ATAD2: variants seen among roughly 807,000 people sequenced by gnomAD.
ATAD2 encodes the protein ATPase family AAA domain-containing protein 2.
A neutral mutation model predicts 168.9 loss-of-function variants in ATAD2; 62 were observed. That is an observed-to-expected ratio of 0.37 (90% confidence interval 0.30 to 0.45). ATAD2 has a LOEUF of 0.45. ATAD2 is among the 20% of genes least tolerant of loss of function. ATAD2 has a pLI of 1.00. For missense variants in ATAD2, 1,419 were observed against 1,667.8 expected (o/e 0.85, Z 2.60); for synonymous variants, 613 against 571.6 (o/e 1.07, Z -1.03).
intron 1 of ATAD2, among the ~76,000 whole-genome samples, chr8:123,391,539 A>T (rs1829826943): frequency 6.6e-6 from 1 of 150,572 alleles, no homozygotes; most frequent in Admixed American, 6.6e-5. Context: ...ACTAGGAAAA[A>T]TTCAAGTTAA....
intron 2 of ATAD2, among the ~76,000 whole-genome samples, chr8:123,376,599 T>G (rs1829324326): frequency 6.6e-6 from 1 of 152,142 alleles, no homozygotes; most frequent in Non-Finnish European, 1.5e-5. Flanking sequence ...CATGGAATTG[T>G]ACACTTTAGA....
In ATAD2 at chr8:123,369,146, A is replaced by T; in HGVS notation, c.961T>A (p.Phe321Ile). 6.3e-7 allele frequency: 1 copy of T among 1,577,672 alleles called. No homozygotes were observed. Among genetic ancestry groups the T allele is most frequent in the Non-Finnish European group, 8.6e-7 (1 of 1,157,424 alleles). Reference sequence around the variant, plus strand: ...GCAGGAGAAGCTGGGCCACTATAAAATATGTTGGGCTTTCTCTGGTGACGA... The same window carrying T: ...GCAGGAGAAGCTGGGCCACTATAAATTATGTTGGGCTTTCTCTGGTGACGA... ...KPRHQRKPNIFYSGPASPARP... is the reference protein window; with the variant it reads ...KPRHQRKPNIIYSGPASPARP... The change falls in exon 8 of 28, where the codon TTT becomes ATT. Residue 321 changes from phenylalanine (F) to isoleucine (I), a missense_variant. Phe to Ile is a conservative substitution (Grantham distance 21, BLOSUM62 0). Coordinates refer to ENST00000287394, the MANE Select transcript of ATAD2 (RefSeq NM_014109.4).
chr8:123,350,334 A>G (rs2131337918), intron 13 of ATAD2, among the ~76,000 whole-genome samples: 1 of 152,326 alleles, frequency 6.6e-6, no homozygotes. Context: ...TATTTCATGT[A>G]AGTACTTCAT....
At chr8:123,322,292 A>C (rs1827490204) in intron 27 of ATAD2, among the ~76,000 whole-genome samples, 1 of 152,234 alleles carries the variant, frequency 6.6e-6, no homozygotes, top group Admixed American at 6.5e-5. Context: ...CTGGCTGACA[A>C]GTCTTAAAAG....
chr8:123,385,576 G>A (rs1028614944), intron 1 of ATAD2, among the ~76,000 whole-genome samples: 1 of 152,190 alleles, frequency 6.6e-6, no homozygotes, highest in Middle Eastern at 3.4e-3. Context: ...ACTCTTAGGA[G>A]AAAACAGCAT....
chr8:123,377,091 C>CAAAAAAAAAAAA (rs58655606), intron 2 of ATAD2, among the ~76,000 whole-genome samples: 3,186 of 27,234 alleles, frequency 0.12, 1,035 homozygotes, highest in South Asian at 0.2. Flanking sequence ...GACTCCGTCT[C>CAAAAAAAAAAAA]AAAAAAAAAA....
intron 20 of ATAD2, 141 bp from the exon 21 acceptor site, chr8:123,337,962 A>G: frequency 1.2e-6 from 1 of 802,622 alleles, no homozygotes; most frequent in Non-Finnish European, 1.9e-6. Context: ...ATACAAAAGT[A>G]TTACCATAAT....
intron 1 of ATAD2, among the ~76,000 whole-genome samples, chr8:123,404,175 T>G (rs1464820668): frequency 6.6e-6 from 1 of 152,194 alleles, no homozygotes; most frequent in African/African-American, 2.4e-5. Context: ...ATATGCCCGT[T>G]TCCTAGCCAT....
At chr8:123,325,160 G>A (rs758195340) in intron 26 of ATAD2, among the ~76,000 whole-genome samples, 3 of 143,008 alleles carry the variant, frequency 2.1e-5, no homozygotes, top group South Asian at 2.2e-4. Context: ...TGGAAGGCAC[G>A]ATCTCGGCTT....
At chr8:123,355,202 A>G (rs1290183973) in intron 13 of ATAD2, among the ~76,000 whole-genome samples, 1 of 152,180 alleles carries the variant, frequency 6.6e-6, no homozygotes, top group Non-Finnish European at 1.5e-5. Flanking sequence ...TCAAGTTTAA[A>G]AGGCCATTAG....
chr8:123,356,578 CAG>C, intron 12 of ATAD2, 101 bp from the exon 13 acceptor site: 1 of 693,288 alleles, frequency 1.4e-6, no homozygotes, highest in South Asian at 2.7e-5. Flanking sequence ...ATATGCTTAA[CAG>C]AATTTATAAA....
At chr8:123,352,956 T>G (rs1828519248) in intron 13 of ATAD2, among the ~76,000 whole-genome samples, 1 of 151,964 alleles carries the variant, frequency 6.6e-6, no homozygotes, top group Admixed American at 6.6e-5. Flanking sequence ...GTGCCTGTAG[T>G]TCTGAGAAGT....
At chr8:123,348,677 A>T (rs1828339713) in intron 14 of ATAD2, among the ~76,000 whole-genome samples, 1 of 152,332 alleles carries the variant, frequency 6.6e-6, no homozygotes, top group South Asian at 2.1e-4. Flanking sequence ...ACTTTATCAT[A>T]AACAACCAAC....
chr8:123,373,231 G>GT (rs1433049153), intron 2 of ATAD2, among the ~76,000 whole-genome samples: 2 of 151,342 alleles, frequency 1.3e-5, no homozygotes, highest in African/African-American at 4.9e-5. Context: ...GGGGCGGGGG[G>GT]GGTCTCGCTT....
intron 26 of ATAD2, among the ~76,000 whole-genome samples, chr8:123,324,741 T>G (rs1195508274): frequency 1.3e-5 from 2 of 152,228 alleles, no homozygotes; most frequent in East Asian, 3.8e-4. Flanking sequence ...AGAATTCAAT[T>G]TAACAAAGGC....
In ATAD2 at chr8:123,328,312, T is replaced by A; in HGVS notation, c.3746A>T (p.Glu1249Val). ...LRNNSNTCNI[E>V]NELEDSRKTT... ...CTTCCTAGAGTCTTCAAGCTCATTCTCTATATTACAAGTATTTGAATTATT... is the reference window on the plus strand; with the variant it reads ...CTTCCTAGAGTCTTCAAGCTCATTCACTATATTACAAGTATTTGAATTATT... Residue 1249 changes from glutamate to valine, a missense_variant, in exon 25 of 28, where the codon GAG (glutamate) becomes GTG (valine). Coordinates refer to ENST00000287394, the MANE Select transcript of ATAD2 (RefSeq NM_014109.4). 1 of 1,606,570 alleles carries A rather than the reference T, an allele frequency of 6.2e-7. No individual in the cohort carries two copies. Among genetic ancestry groups the A allele is most frequent in the Non-Finnish European group, 8.5e-7 (1 of 1,177,482 alleles).
rs1827847404 is a variant in ATAD2 at position 123,333,965 on chromosome 8, A to G, written c.3391T>C (p.Ser1131Pro). The change falls in exon 24 of 28, where the codon TCC (serine) becomes CCC (proline). Residue 1131 changes from serine (S) to proline (P), a missense_variant. By Grantham distance (74) the Ser-to-Pro change is moderately conservative. Transcript: ENST00000287394. ...SYYHVMPKQNSTLVGDKRSDP... is the reference protein window; with the variant it reads ...SYYHVMPKQNPTLVGDKRSDP... ...GATCTTTTATCACCAACAAGAGTGG[A>G]ATTTTGCTTTGGCATCACATGGTAG... The G allele has an allele frequency of 6.2e-7, 1 of 1,614,004 alleles. No individual in the cohort carries two copies.
At chr8:123,322,862 C>T in intron 27 of ATAD2, 76 bp downstream of exon 27, 2 of 1,442,718 alleles carry the variant, frequency 1.4e-6, no homozygotes, top group Middle Eastern at 4.0e-4. Flanking sequence ...TAAATAAAGC[C>T]TCAACAATCC....
chr8:123,379,557 T>C (rs1042645439), intron 2 of ATAD2, among the ~76,000 whole-genome samples: 1 of 105,826 alleles, frequency 9.4e-6, no homozygotes, highest in Admixed American at 1.4e-4. Context: ...AATGTGTACA[T>C]ACTAATTTTT....
Sources: gnomAD v4.1 joint callset for allele counts (sites outside exome capture counted in the v4.1 genomes callset) on GRCh38, gnomAD v4.1.1 for gene constraint, MANE v1.5 for transcripts, NCBI Gene and HGNC (gene_info 2026-07-23, HGNC 2026-07-21) for gene names.